Variants in CTNNBL1 observed in about 807,000 individuals in gnomAD.
CTNNBL1 encodes the protein catenin beta like 1.
A neutral mutation model predicts 72.7 loss-of-function variants in CTNNBL1; 31 were observed. That is an observed-to-expected ratio of 0.43 (90% CI 0.32 to 0.58). The LOEUF (loss-of-function observed/expected upper bound fraction) is 0.58. Ranked by LOEUF, CTNNBL1 falls within the 20% of genes least tolerant of loss-of-function variation. CTNNBL1 has a pLI of 0.08. For synonymous variants in CTNNBL1, 240 were observed against 267.3 expected, an observed-to-expected ratio of 0.90 and a Z score of 1.00; for missense variants, 534 against 725.1, an observed-to-expected ratio of 0.74 and a Z score of 3.03.
chr20:37,720,421 AT>A (rs2073030145), intron 1 of CTNNBL1, among the ~76,000 whole-genome samples: 1 of 152,144 alleles, frequency 6.6e-6, no homozygotes, highest in Non-Finnish European at 1.5e-5. Flanking sequence ...GGCCTCCCAG[AT>A]TGCTAAGATT....
intron 1 of CTNNBL1, 83 bp from the exon 2 acceptor site, chr20:37,732,796 G>A: frequency 1.5e-6 from 2 of 1,338,102 alleles, no homozygotes; most frequent in Non-Finnish European, 2.1e-6. Context: ...GCCTCCCAAA[G>A]TGCTGGGATT....
intron 10 of CTNNBL1, among the ~76,000 whole-genome samples, chr20:37,796,370 T>G (rs1210506667): frequency 6.6e-6 from 1 of 152,162 alleles, no homozygotes; most frequent in Non-Finnish European, 1.5e-5. Context: ...CTGGAAACTT[T>G]CCAGGCAGTC....
chr20:37,861,722 T>A (rs1299603250), intron 15 of CTNNBL1, among the ~76,000 whole-genome samples: 1 of 152,218 alleles, frequency 6.6e-6, no homozygotes, highest in East Asian at 1.9e-4. Context: ...CTCTGTTGTT[T>A]ACTCTGTTAC....
At chr20:37,836,024 G>A (rs1174943112) in intron 11 of CTNNBL1, among the ~76,000 whole-genome samples, 1 of 152,194 alleles carries the variant, frequency 6.6e-6, no homozygotes, top group African/African-American at 2.4e-5. Flanking sequence ...AGTACACGTT[G>A]TACCTTTTCA....
intron 1 of CTNNBL1, among the ~76,000 whole-genome samples, chr20:37,696,969 G>A (rs6012841): frequency 0.32 from 48,946 of 151,318 alleles, 8,022 homozygotes; most frequent in African/African-American, 0.35. Context: ...GTCACCTGAG[G>A]TTGGGAGTTT....
intron 10 of CTNNBL1, among the ~76,000 whole-genome samples, chr20:37,796,683 GA>G (rs1224917792): frequency 6.6e-6 from 1 of 152,058 alleles, no homozygotes; most frequent in Non-Finnish European, 1.5e-5. Flanking sequence ...GTTGGAATAA[GA>G]AGCCCAAAAT....
At chr20:37,764,387 G>A (rs1220065526) in intron 5 of CTNNBL1, among the ~76,000 whole-genome samples, 2 of 152,170 alleles carry the variant, frequency 1.3e-5, no homozygotes, top group South Asian at 2.1e-4. Flanking sequence ...TTAGAACACA[G>A]ATTGTGCACA....
At chr20:37,867,430 T>C (rs2072545297) in intron 15 of CTNNBL1, among the ~76,000 whole-genome samples, 2 of 151,986 alleles carry the variant, frequency 1.3e-5, no homozygotes, top group Non-Finnish European at 2.9e-5. Context: ...CCTCTCAACA[T>C]AAACAGAACA....
intron 13 of CTNNBL1, among the ~76,000 whole-genome samples, chr20:37,854,199 A>G (rs910405399): frequency 1.3e-5 from 2 of 152,202 alleles, no homozygotes; most frequent in Admixed American, 1.3e-4. Flanking sequence ...TCCTTTCTAA[A>G]TGACAATATA....
At position 37,706,087 on chromosome 20, in the gene CTNNBL1, A is replaced by T. The variant is rs146721015; in HGVS notation, c.30+11935A>T. Reference sequence around the variant, plus strand: ...GAACAATGCACATACTTTAATTAAAAATGCTTTGTTGTTAAAAGCTGCTAA... The same window carrying T: ...GAACAATGCACATACTTTAATTAAATATGCTTTGTTGTTAAAAGCTGCTAA... On this transcript the variant is annotated intron_variant, in intron 1 of 15. Transcript: ENST00000361383. Among the ~76,000 whole-genome samples, 184 of 152,338 alleles carry T rather than the reference A, an allele frequency of 1.2e-3. 1 individual carries two copies. Among genetic ancestry groups the T allele is most frequent in the African/African-American group, 4.4e-3 (183 of 41,582 alleles).
At chr20:37,777,552 C>A in intron 8 of CTNNBL1, 102 bp from the exon 9 acceptor site, 1 of 1,390,780 alleles carries the variant, frequency 7.2e-7, no homozygotes, top group Non-Finnish European at 1.0e-6. Context: ...TGTACTCTGT[C>A]AAGCTGTATT....
At chr20:37,753,272 T>C (rs375331787) in intron 4 of CTNNBL1, among the ~76,000 whole-genome samples, 130 of 152,294 alleles carry the variant, frequency 8.5e-4, no homozygotes, top group Admixed American at 5.5e-3. Flanking sequence ...GTAGCTGATT[T>C]CTTGTTTGAC....
At chr20:37,717,128 C>A (rs1178873136) in intron 1 of CTNNBL1, among the ~76,000 whole-genome samples, 2 of 152,004 alleles carry the variant, frequency 1.3e-5, no homozygotes, top group Non-Finnish European at 2.9e-5. Context: ...GTCTCTATTC[C>A]TGGTAGTATA....
Position 37,859,998 on chromosome 20 carries a change from T to C in CTNNBL1, c.1492T>C (p.Tyr498His), listed in dbSNP as rs2072477321. Residue 498 changes from tyrosine to histidine, a missense_variant, in exon 14 of 16, where the codon TAC becomes CAC. Transcript: ENST00000361383. ...GCTCTTTGTTCTCCAGCACATCTGCTACATCATGGCCGAGATCTGCAATGC... is the reference window on the plus strand; with the variant it reads ...GCTCTTTGTTCTCCAGCACATCTGCCACATCATGGCCGAGATCTGCAATGC... ...AGLFVLQHICYIMAEICNANV... is the reference protein window; with the variant it reads ...AGLFVLQHICHIMAEICNANV... 6.2e-7 allele frequency: 1 copy of C among 1,613,944 alleles called. No individual in the cohort carries two copies. The highest frequency in any genetic ancestry group is 1.3e-5 in the African/African-American group (1 of 74,862).
intron 10 of CTNNBL1, among the ~76,000 whole-genome samples, chr20:37,795,024 T>G (rs1394544922): frequency 6.6e-6 from 1 of 152,132 alleles, no homozygotes; most frequent in Non-Finnish European, 1.5e-5. Flanking sequence ...TCTTTTTCAT[T>G]GGTTTTGAGT....
chr20:37,826,237 TACAGTGCTGTAAA>T (rs1251280417), intron 11 of CTNNBL1, among the ~76,000 whole-genome samples: 1 of 152,236 alleles, frequency 6.6e-6, no homozygotes, highest in Non-Finnish European at 1.5e-5. Context: ...TTCCCACAGA[TACAGTGCTGTAAA>T]TTAGTTAAGG....
intron 9 of CTNNBL1, among the ~76,000 whole-genome samples, chr20:37,778,640 T>A (rs1281732607): frequency 6.6e-6 from 1 of 152,198 alleles, no homozygotes; most frequent in Non-Finnish European, 1.5e-5. Context: ...AGCTCCCCTG[T>A]GAGGGAATTC....
At chr20:37,835,243 C>A (rs2072243623) in intron 11 of CTNNBL1, among the ~76,000 whole-genome samples, 1 of 152,168 alleles carries the variant, frequency 6.6e-6, no homozygotes, top group African/African-American at 2.4e-5. Context: ...ATTGGCTTTC[C>A]TGGGCCTTCA....
intron 10 of CTNNBL1, among the ~76,000 whole-genome samples, chr20:37,780,610 T>C (rs971528855): frequency 2.0e-5 from 3 of 152,214 alleles, no homozygotes; most frequent in African/African-American, 7.2e-5. Flanking sequence ...TCTAAGGGAC[T>C]GTAGCTTACT....
Sources: gnomAD v4.1 joint callset for allele counts (sites outside exome capture counted in the v4.1 genomes callset) on GRCh38, gnomAD v4.1.1 for gene constraint, MANE v1.5 for transcripts, NCBI Gene and HGNC (gene_info 2026-07-23, HGNC 2026-07-21) for gene names.